The following TSPAN5 variants were observed in gnomAD, a reference collection of about 807,000 sequenced individuals.
The protein encoded by TSPAN5 is tetraspanin-5.
Under a neutral mutation model 37.1 loss-of-function variants are expected in TSPAN5, and 10 were observed. The ratio of observed to expected loss-of-function variants is 0.27; its 90% CI spans 0.17 to 0.46. The LOEUF (loss-of-function observed/expected upper bound fraction) is 0.46. TSPAN5 is among the 20% of genes least tolerant of loss of function. TSPAN5 has a pLI of 1.00. For synonymous variants in TSPAN5, 110 were observed against 118.9 expected, an observed-to-expected ratio of 0.93 and a Z score of 0.48; for missense variants, 195 against 326.6, an observed-to-expected ratio of 0.60 and a Z score of 3.11.
chr4:98,644,648 A>G (rs1332579448), intron 1 of TSPAN5, among the ~76,000 whole-genome samples: 1 of 152,178 alleles, frequency 6.6e-6, no homozygotes, highest in Non-Finnish European at 1.5e-5. Context: ...TTTAAAATGC[A>G]TTATGTAAAT....
In TSPAN5 at chr4:98,658,080, C is replaced by T. The variant is rs188537377; in HGVS notation, c.81+66G>A. 1,219 of 1,425,832 alleles carry T rather than the reference C, an allele frequency of 8.5e-4. 9 individuals are homozygous for T. The highest frequency in any genetic ancestry group is 4.5e-3 in the South Asian group (391 of 87,270). 88.3% of individuals were successfully genotyped at this position (1,425,832 alleles called of 1,614,324 possible). ...TGCGAAAAGTAAAGGCAACGAACAA[C>T]GTGGGGGAAATCGTCGCGAATCGAT... is the stretch of plus-strand genomic sequence containing the variant. On this transcript the variant is annotated intron_variant, in intron 1 of 7. Coordinates refer to ENST00000305798, the MANE Select transcript of TSPAN5 (RefSeq NM_005723.4).
intron 1 of TSPAN5, among the ~76,000 whole-genome samples, chr4:98,603,480 T>C (rs964681889): frequency 6.6e-6 from 1 of 152,204 alleles, no homozygotes; most frequent in Admixed American, 6.5e-5. Flanking sequence ...ATACCATGAT[T>C]AGTTGGCCAG....
chr4:98,533,956 AAAAAAAC>A (rs1560526840), intron 1 of TSPAN5, among the ~76,000 whole-genome samples: 2 of 145,922 alleles, frequency 1.4e-5, no homozygotes, highest in Non-Finnish European at 3.0e-5. Context: ...AAAAAAAAAA[AAAAAAAC>A]CAGCTCCTGG....
intron 1 of TSPAN5, among the ~76,000 whole-genome samples, chr4:98,656,477 C>T (rs1279082042): frequency 1.3e-5 from 2 of 152,204 alleles, no homozygotes; most frequent in African/African-American, 2.4e-5. Flanking sequence ...CCAATCAAAT[C>T]AGAATATCTT....
intron 2 of TSPAN5, among the ~76,000 whole-genome samples, chr4:98,505,398 G>A (rs1753455177): frequency 6.6e-6 from 1 of 152,072 alleles, no homozygotes; most frequent in Non-Finnish European, 1.5e-5. Flanking sequence ...TGGCCTTCTT[G>A]TTGTTCCCTG....
rs915151615 is a variant in TSPAN5, at chr4:98,590,031, G to A, written c.81+68115C>T. Among the ~76,000 whole-genome samples, 17 of 151,912 alleles carry A rather than the reference G, an allele frequency of 1.1e-4. 1 individual carries two copies. The highest frequency in any genetic ancestry group is 2.1e-4 in the South Asian group (1 of 4,784). On this transcript the variant is annotated intron_variant, in intron 1 of 7. Transcript: ENST00000305798. Reference sequence around the variant, plus strand: ...CTTTCAGTATCCCATCCTACTGTACGAAATTCCAGTCACATCACTGCATAT... The same window carrying A: ...CTTTCAGTATCCCATCCTACTGTACAAAATTCCAGTCACATCACTGCATAT...
chr4:98,602,169 G>T (rs1755898736), intron 1 of TSPAN5, among the ~76,000 whole-genome samples: 1 of 152,134 alleles, frequency 6.6e-6, no homozygotes, highest in Non-Finnish European at 1.5e-5. Flanking sequence ...CATGAAGTGA[G>T]CACATGCGAT....
rs1319846566 is a variant in TSPAN5 at position 98,486,769 on chromosome 4, G to A, written c.248C>T (p.Ala83Val). 1.9e-6 allele frequency: 3 copies of A among 1,613,932 alleles called. No individual in the cohort carries two copies. The highest frequency in any genetic ancestry group is 2.5e-6 in the Non-Finnish European group (3 of 1,180,002). Reference sequence around the variant, plus strand: ...GAGAAGGAAAGTGTTTTCCCGTAGCGCTCCAATGCACCCTGCAAATCCCAA... The same window carrying A: ...GAGAAGGAAAGTGTTTTCCCGTAGCACTCCAATGCACCCTGCAAATCCCAA... ...FILGFAGCIG[A>V]LRENTFLLKF... The change falls in exon 3 of 8, where the codon GCG (alanine) becomes GTG (valine). Residue 83 changes from alanine to valine, a missense_variant. Transcript: ENST00000305798.
At chr4:98,559,674 G>A (rs1265882932) in intron 1 of TSPAN5, among the ~76,000 whole-genome samples, 1 of 152,106 alleles carries the variant, frequency 6.6e-6, no homozygotes, top group Non-Finnish European at 1.5e-5. Flanking sequence ...TGTAACCATA[G>A]ACAAGCCATA....
intron 1 of TSPAN5, among the ~76,000 whole-genome samples, chr4:98,598,403 C>T (rs1053750060): frequency 3.3e-5 from 5 of 151,072 alleles, no homozygotes; most frequent in African/African-American, 1.2e-4. Context: ...TCTTCTGCGT[C>T]GCTCACGCTG....
intron 1 of TSPAN5, among the ~76,000 whole-genome samples, chr4:98,646,107 A>G (rs890110229): frequency 7.8e-5 from 11 of 141,880 alleles, no homozygotes; most frequent in Non-Finnish European, 1.2e-4. Context: ...TACAGGTGGC[A>G]AAAAAAAAAG....
In TSPAN5 at chr4:98,528,096, G is replaced by A. The variant is rs544124786; in HGVS notation, c.82-20368C>T. Reference sequence around the variant, plus strand: ...AGAAGGGTAAAGTGTTCCTCTGTCCGGCATATGAGCTGGATAGAGAAATGT... The same window carrying A: ...AGAAGGGTAAAGTGTTCCTCTGTCCAGCATATGAGCTGGATAGAGAAATGT... On this transcript the variant is annotated intron_variant, in intron 1 of 7. Transcript: ENST00000305798. 5.3e-5 allele frequency among the ~76,000 whole-genome samples: 8 copies of A among 152,206 alleles called. No individual in the cohort carries two copies. The East Asian group carries it at 9.7e-4, about 18-fold the overall frequency.
At chr4:98,613,271 T>A (rs1487006945) in intron 1 of TSPAN5, among the ~76,000 whole-genome samples, 1 of 151,834 alleles carries the variant, frequency 6.6e-6, no homozygotes, top group Non-Finnish European at 1.5e-5. Context: ...AAAGAAAAAA[T>A]TTACAGTAAT....
intron 1 of TSPAN5, among the ~76,000 whole-genome samples, chr4:98,568,204 G>C (rs181610428): frequency 6.6e-6 from 1 of 152,212 alleles, no homozygotes; most frequent in East Asian, 1.9e-4. Flanking sequence ...ACTTATGCTG[G>C]GGCTTCTGAC....
intron 2 of TSPAN5, among the ~76,000 whole-genome samples, chr4:98,489,590 T>C (rs1477828379): frequency 6.6e-6 from 1 of 152,186 alleles, no homozygotes. Context: ...CCACCACTGC[T>C]GATTGCCGTC....
intron 1 of TSPAN5, among the ~76,000 whole-genome samples, chr4:98,552,022 T>A (rs1754630374): frequency 1.3e-5 from 2 of 152,184 alleles, no homozygotes; most frequent in Admixed American, 1.3e-4. Flanking sequence ...TCTCTGATGA[T>A]CTTATATTTC....
intron 1 of TSPAN5, among the ~76,000 whole-genome samples, chr4:98,544,619 C>T (rs1012531802): frequency 6.6e-6 from 1 of 152,102 alleles, no homozygotes; most frequent in African/African-American, 2.4e-5. Flanking sequence ...TTTTGCTGTT[C>T]ATAACGACGG....
intron 1 of TSPAN5, among the ~76,000 whole-genome samples, chr4:98,540,319 G>A (rs1754329003): frequency 6.6e-6 from 1 of 152,022 alleles, no homozygotes; most frequent in African/African-American, 2.4e-5. Context: ...GATGGGATGG[G>A]CTAAGGTGGT....
intron 1 of TSPAN5, among the ~76,000 whole-genome samples, chr4:98,632,801 G>A (rs1037587512): frequency 6.6e-6 from 1 of 152,212 alleles, no homozygotes; most frequent in Non-Finnish European, 1.5e-5. Context: ...GAGGACTGGA[G>A]TGGAAGAGAA....
Sources: allele counts gnomAD v4.1 joint callset (sites outside exome capture counted in the v4.1 genomes callset), GRCh38; gene constraint gnomAD v4.1.1; transcripts MANE v1.5; gene names NCBI Gene and HGNC (gene_info 2026-07-23, HGNC 2026-07-21).